TFAP4: variants seen among roughly 807,000 people sequenced by gnomAD.
The protein encoded by TFAP4 is activating enhancer-binding protein 4.
A neutral mutation model predicts 40.4 loss-of-function variants in TFAP4; 7 were observed. That is an observed-to-expected ratio of 0.17 (90% CI 0.10 to 0.33). The LOEUF (loss-of-function observed/expected upper bound fraction) is 0.33, where lower values mean the gene tolerates loss of function less well. TFAP4 is among the 10% of genes least tolerant of loss of function. The probability of loss-of-function intolerance (pLI) is 1.00; values close to 1 mark genes in which losing one functional copy is unlikely to be tolerated. For synonymous variants in TFAP4, 218 were observed against 181.4 expected (o/e 1.20, Z -1.62); for missense variants, 374 against 451.1 (o/e 0.83, Z 1.55).
intron 1 of TFAP4, among the ~76,000 whole-genome samples, chr16:4,268,297 G>C (rs2053013612): frequency 1.3e-5 from 2 of 152,172 alleles, no homozygotes; most frequent in Non-Finnish European, 2.9e-5. Context: ...GGGTGTCGTG[G>C]GACGTGCCTG....
intron 1 of TFAP4, among the ~76,000 whole-genome samples, chr16:4,268,995 C>T (rs1396831674): frequency 6.6e-6 from 1 of 152,150 alleles, no homozygotes; most frequent in Non-Finnish European, 1.5e-5. Flanking sequence ...TCAAGCCATC[C>T]TCCTGCCTCA....
At chr16:4,272,247 C>G (rs373691164) in intron 1 of TFAP4, among the ~76,000 whole-genome samples, 5 of 151,800 alleles carry the variant, frequency 3.3e-5, no homozygotes, top group Non-Finnish European at 5.9e-5. Flanking sequence ...GCGCCCCGGG[C>G]CCCCAGACCC....
chr16:4,261,812 C>T lies in TFAP4; in HGVS notation c.492G>A (p.Lys164=). 1.9e-6 allele frequency: 3 copies of T among 1,612,310 alleles called. No individual in the cohort carries two copies. The highest frequency in any genetic ancestry group is 2.5e-6 in the Non-Finnish European group (3 of 1,179,386). The change falls in exon 4 of 7, where the codon AAG becomes AAA. Residue 164 remains lysine, a synonymous_variant. Coordinates refer to ENST00000204517, the MANE Select transcript of TFAP4 (RefSeq NM_003223.3). ...EMIELRQQLD[K]ERSVRMMLEE... ...CCAGCATCATGCGCACCGAGCGCTC[C>T]TTGTCCAGCTGCTGCCGCAGCTCAA...
intron 1 of TFAP4, among the ~76,000 whole-genome samples, chr16:4,271,472 G>A (rs752212188): frequency 2.3e-4 from 35 of 152,264 alleles, no homozygotes; most frequent in Non-Finnish European, 4.7e-4. Flanking sequence ...CGCCCAGGGG[G>A]TCGTTCAAAA....
At chr16:4,260,426 G>T in intron 5 of TFAP4, 29 bp downstream of exon 5, 1 of 1,551,322 alleles carries the variant, frequency 6.4e-7, no homozygotes, top group Non-Finnish European at 8.7e-7. Flanking sequence ...CCGGTCCCCA[G>T]AGCCCACTCC....
intron 1 of TFAP4, 40 bp downstream of exon 1, chr16:4,272,618 G>T: frequency 6.5e-7 from 1 of 1,531,580 alleles, no homozygotes; most frequent in Non-Finnish European, 8.9e-7. Context: ...GCCGGGGGCT[G>T]CAGTGGTAGG....
At chr16:4,266,627 C>A (rs1268315983) in intron 1 of TFAP4, 1 of 152,210 alleles carries the variant, frequency 6.6e-6, no homozygotes, top group Non-Finnish European at 1.5e-5. Flanking sequence ...GCTGACCAAC[C>A]AGGGGTTCCT....
intron 5 of TFAP4, 39 bp from the exon 6 acceptor site, chr16:4,260,284 CT>C: frequency 5.2e-6 from 8 of 1,524,550 alleles, no homozygotes; most frequent in Non-Finnish European, 7.0e-6. Flanking sequence ...CTCAAGGCTT[CT>C]CTTGGCCCAT....
At chr16:4,271,038 A>G (rs1483988495) in intron 1 of TFAP4, among the ~76,000 whole-genome samples, 1 of 152,256 alleles carries the variant, frequency 6.6e-6, no homozygotes, top group Admixed American at 6.5e-5. Flanking sequence ...CAGAACATAA[A>G]AAGAGCTCAA....
chr16:4,271,862 T>A (rs1264665490), intron 1 of TFAP4, among the ~76,000 whole-genome samples: 1 of 152,148 alleles, frequency 6.6e-6, no homozygotes, highest in Non-Finnish European at 1.5e-5. Flanking sequence ...AGGGAAAGCG[T>A]GGCCCAGGAG....
chr16:4,258,593 G>A (rs2052918635), intron 6 of TFAP4: 1 of 188,216 alleles, frequency 5.3e-6, no homozygotes, highest in African/African-American at 2.3e-5. Flanking sequence ...TGTATTTTTG[G>A]TAGAGACGAG....
At chr16:4,258,383 G>C in intron 6 of TFAP4, 134 bp from the exon 7 acceptor site, 1 of 809,770 alleles carries the variant, frequency 1.2e-6, no homozygotes, top group Admixed American at 3.0e-5. Flanking sequence ...AGCAGCAGGG[G>C]AGGCCCGCTA....
chr16:4,262,701 G>C lies in TFAP4; in HGVS notation c.90C>G (p.Ser30Arg), dbSNP rs765979176. ...CGGGGGTTAGTGGAATGTTGGCAAGGCTGCCAGAGAGGACAGGGACAGGCT... is the reference window on the plus strand; with the variant it reads ...CGGGGGTTAGTGGAATGTTGGCAAGCCTGCCAGAGAGGACAGGGACAGGCT... ...TEKEVIGGLC[S>R]LANIPLTPET... The change falls in exon 2 of 7, where the codon AGC (serine) becomes AGG (arginine). Residue 30 changes from serine to arginine, a missense_variant and splice_region_variant. Ser to Arg is a moderately radical substitution (Grantham distance 110). This residue lies in a region of TFAP4 where 51 missense variants were observed against 59.3 expected (regional missense o/e 0.86). Coordinates refer to ENST00000204517, the MANE Select transcript of TFAP4 (RefSeq NM_003223.3). 3 of 1,607,604 alleles carry C rather than the reference G, an allele frequency of 1.9e-6. No homozygotes were observed. In the African/African-American group the frequency reaches 4.0e-5, roughly 21 times the overall value.
At position 4,272,986 on chromosome 16, in the gene TFAP4, G is replaced by C. The variant is rs1219780662; in HGVS notation, c.-240C>G. 1 of 494,922 alleles carries C rather than the reference G, an allele frequency of 2.0e-6. No individual in the cohort carries two copies. Among genetic ancestry groups the C allele is most frequent in the Non-Finnish European group, 3.6e-6 (1 of 274,640 alleles). The allele number at this position is 494,922 out of a possible 1,614,324, so 30.7% of individuals were successfully genotyped here. On this transcript the variant is annotated 5_prime_UTR_variant, in exon 1 of 7. Coordinates refer to ENST00000204517, the MANE Select transcript of TFAP4 (RefSeq NM_003223.3). The stretch of plus-strand genomic sequence containing the variant: ...TGTGTGTGTGTGTGTGTGTGTGTGT[G>C]TGTGTGTGTGTGTGTGTTTGCAGCT...
rs2052910508 is a variant in TFAP4, at chr16:4,258,001, GGCT to G, written c.*51_*53del. The G allele has an allele frequency of 3.9e-6, 6 of 1,547,066 alleles. No individual in the cohort carries two copies. The South Asian group carries it at 6.9e-5, about 18-fold the overall frequency. ...CTCATTCGCCCATGTCTCTCCCTGT[GGCT>G]GCCCCGGCTCCCTCCAGCCCCCAGA... On this transcript the variant is annotated 3_prime_UTR_variant, in exon 7 of 7. Coordinates refer to ENST00000204517, the MANE Select transcript of TFAP4 (RefSeq NM_003223.3).
chr16:4,269,666 C>T (rs955965969), intron 1 of TFAP4, among the ~76,000 whole-genome samples: 3 of 151,528 alleles, frequency 2.0e-5, no homozygotes, highest in African/African-American at 7.3e-5. Flanking sequence ...AAAAATTAGC[C>T]GGCCATGGTG....
chr16:4,265,609 C>CCAAAA (rs2052987537), intron 1 of TFAP4: 2 of 39,092 alleles, frequency 5.1e-5, no homozygotes, highest in Non-Finnish European at 8.8e-5. Flanking sequence ...GACCTTGTCT[C>CCAAAA]AAAAAAAAAA....
chr16:4,259,490 A>T (rs560938647), intron 6 of TFAP4, among the ~76,000 whole-genome samples: 1 of 152,184 alleles, frequency 6.6e-6, no homozygotes, highest in Non-Finnish European at 1.5e-5. Context: ...GTTTGTTATT[A>T]ATTGTATTAC....
rs1051801412 is a variant in TFAP4, at chr16:4,257,968, A to G, written c.*87T>C. 3 of 1,315,022 alleles carry G rather than the reference A, an allele frequency of 2.3e-6. No homozygotes were observed. The highest frequency in any genetic ancestry group is 3.1e-6 in the Non-Finnish European group (3 of 964,838). The allele number at this position is 1,315,022 out of a possible 1,614,324, so 81.5% of individuals were successfully genotyped here. A position where few individuals can be genotyped will look rare whatever the true frequency, so the allele number is the denominator to read the frequency against. On this transcript the variant is annotated 3_prime_UTR_variant, in exon 7 of 7. Coordinates refer to ENST00000204517, the MANE Select transcript of TFAP4 (RefSeq NM_003223.3). ...CAAATGACATCGTAATTTTGTAAAA[A>G]TTTCTCACTCATTCGCCCATGTCTC...
Sources: gnomAD v4.1 joint callset for allele counts (sites outside exome capture counted in the v4.1 genomes callset) on GRCh38, gnomAD v4.1.1 for gene constraint, gnomAD v4.1.1 regional missense constraint, MANE v1.5 for transcripts, NCBI Gene and HGNC (gene_info 2026-07-23, HGNC 2026-07-21) for gene names.